Variants in GALNT6 observed in about 807,000 individuals in gnomAD.
GALNT6 encodes polypeptide N-acetylgalactosaminyltransferase 6.
A neutral mutation model predicts 65.9 loss-of-function variants in GALNT6; 51 were observed. That is an observed-to-expected ratio of 0.77 (90% CI 0.62 to 0.98). The LOEUF (loss-of-function observed/expected upper bound fraction) is 0.98. Among genes scored for constraint, GALNT6 ranks in the 50% least tolerant of loss-of-function variants. The pLI is 0.00. For synonymous variants in GALNT6, 323 were observed against 315.1 expected (o/e 1.02, Z -0.26); for missense variants, 708 against 803.3 (o/e 0.88, Z 1.43).
rs754418496 is a variant in GALNT6 at position 51,379,701 on chromosome 12, C to T, written c.81G>A (p.Leu27=). 2 of 1,614,090 alleles carry T rather than the reference C, an allele frequency of 1.2e-6. No individual in the cohort carries two copies. Among genetic ancestry groups the T allele is most frequent in the Non-Finnish European group, 1.7e-6 (2 of 1,179,984 alleles). The part of the protein sequence containing the change: ...GCAFVLFLFL[L]HRDVSSREEA... ...CCTCTCTGCTGCTCACATCCCTATG[C>T]AGGAGGAAGAGGAAGAGCACAAAGG... Residue 27 remains leucine, a synonymous_variant, in exon 3 of 12, where the codon CTG becomes CTA. Transcript: ENST00000356317.
chr12:51,361,830 T>A (rs1289443427), intron 6 of GALNT6, among the ~76,000 whole-genome samples: 1 of 151,704 alleles, frequency 6.6e-6, no homozygotes, highest in East Asian at 1.9e-4. Flanking sequence ...CTGCCCTCAG[T>A]GGGCAGCTTC....
chr12:51,367,271 A>C (rs969069649), intron 4 of GALNT6, among the ~76,000 whole-genome samples: 9 of 151,568 alleles, frequency 5.9e-5, no homozygotes, highest in Non-Finnish European at 2.9e-5. Context: ...AAAACCAAAA[A>C]CAAACAAACA....
intron 4 of GALNT6, among the ~76,000 whole-genome samples, chr12:51,369,482 G>C (rs1353377312): frequency 2.0e-5 from 3 of 152,012 alleles, no homozygotes; most frequent in African/African-American, 4.8e-5. Context: ...TCCAACTTAG[G>C]TTCAACACCC....
In GALNT6 at chr12:51,353,737, A is replaced by G. The variant is rs1292989717; in HGVS notation, c.*642T>C. The G allele has an allele frequency of 6.6e-6, 1 of 151,820 alleles. No homozygotes were observed. Among genetic ancestry groups the G allele is most frequent in the East Asian group, 1.9e-4 (1 of 5,146 alleles). 9.4% of individuals were successfully genotyped at this position (151,820 alleles called of 1,614,324 possible). A position where few individuals can be genotyped will look rare whatever the true frequency, so the allele number is the denominator to read the frequency against. On this transcript the variant is annotated 3_prime_UTR_variant, in exon 12 of 12. Transcript: ENST00000356317. ...TCAAGGAATAGGACATGGCTGTAGA[A>G]GTACTTTTCTTCTTCTTTTTTGTTT...
chr12:51,370,561 G>A (rs1947262573), intron 4 of GALNT6, among the ~76,000 whole-genome samples: 1 of 152,178 alleles, frequency 6.6e-6, no homozygotes, highest in Admixed American at 6.5e-5. Context: ...GTTACAACAT[G>A]GATGAATCTT....
chr12:51,355,698 A>C (rs1321336725), intron 11 of GALNT6, 108 bp downstream of exon 11: 1 of 993,064 alleles, frequency 1.0e-6, no homozygotes, highest in African/African-American at 1.6e-5. Context: ...CGAACTCCTG[A>C]CCTCGTGATC....
chr12:51,371,233 A>G (rs10876166), intron 4 of GALNT6, among the ~76,000 whole-genome samples: 126,065 of 151,442 alleles, frequency 0.83, 52,858 homozygotes, highest in South Asian at 0.93. Context: ...ACAGGTGCCC[A>G]CCACCATGCC....
intron 4 of GALNT6, among the ~76,000 whole-genome samples, chr12:51,368,062 A>G (rs571211680): frequency 1.3e-5 from 2 of 151,970 alleles, no homozygotes; most frequent in Non-Finnish European, 2.9e-5. Context: ...GATTAAGATC[A>G]GAAGGCCAAG....
At chr12:51,373,022 C>G (rs978448384) in intron 4 of GALNT6, among the ~76,000 whole-genome samples, 1 of 152,148 alleles carries the variant, frequency 6.6e-6, no homozygotes, top group Non-Finnish European at 1.5e-5. Context: ...TTACGCAATG[C>G]CTATACCTCC....
chr12:51,360,539 G>A (rs932446867), intron 7 of GALNT6, among the ~76,000 whole-genome samples, 182 bp downstream of exon 7: 2 of 152,110 alleles, frequency 1.3e-5, no homozygotes, highest in Non-Finnish European at 2.9e-5. Flanking sequence ...CAGGCTGACT[G>A]CCCAAGCCCT....
rs556678992 is a variant in GALNT6, at chr12:51,351,636, G to C, written c.*2743C>G. On this transcript the variant is annotated 3_prime_UTR_variant, in exon 12 of 12. Coordinates refer to ENST00000356317, the MANE Select transcript of GALNT6 (RefSeq NM_007210.4). ...CCAGCACCTCTTGGAGCATCTCCAG[G>C]CTTGCTATGATTTGCTTACATTTAG... 4 of 152,338 alleles carry C rather than the reference G, an allele frequency of 2.6e-5. No individual in the cohort carries two copies. Among genetic ancestry groups the C allele is most frequent in the African/African-American group, 7.2e-5 (3 of 41,576 alleles). 9.4% of individuals were successfully genotyped at this position (152,338 alleles called of 1,614,324 possible). A position where few individuals can be genotyped will look rare whatever the true frequency, so the allele number is the denominator to read the frequency against.
chr12:51,389,503 CT>C (rs1947953813), intron 2 of GALNT6, among the ~76,000 whole-genome samples: 1 of 152,242 alleles, frequency 6.6e-6, no homozygotes, highest in Non-Finnish European at 1.5e-5. Flanking sequence ...ATCACATTGT[CT>C]TGCATTTGAC....
In GALNT6 at chr12:51,355,718, C is replaced by T. The variant is rs930116356; in HGVS notation, c.1755+88G>A. 6.8e-5 allele frequency: 87 copies of T among 1,277,736 alleles called. No homozygotes were observed. In the African/African-American group the frequency reaches 8.3e-4, roughly 12 times the overall value. 79.1% of individuals were successfully genotyped at this position (1,277,736 alleles called of 1,614,324 possible). ...TCCTGACCTCGTGATCTGCCCTCCTCGGCCTCTCAAAGTGCTGGGATTACA... is the reference window on the plus strand; with the variant it reads ...TCCTGACCTCGTGATCTGCCCTCCTTGGCCTCTCAAAGTGCTGGGATTACA... On this transcript the variant is annotated intron_variant, in intron 11 of 11. Coordinates refer to ENST00000356317, the MANE Select transcript of GALNT6 (RefSeq NM_007210.4).
rs1946618799 is a variant in GALNT6 at position 51,351,811 on chromosome 12, A to G, written c.*2568T>C. 1 of 152,158 alleles carries G rather than the reference A, an allele frequency of 6.6e-6. No homozygotes were observed. The highest frequency in any genetic ancestry group is 1.5e-5 in the Non-Finnish European group (1 of 68,040). The allele number at this position is 152,158 out of a possible 1,614,324, so 9.4% of individuals were successfully genotyped here. A position where few individuals can be genotyped will look rare whatever the true frequency, so the allele number is the denominator to read the frequency against. ...ACTTTTCAGATGTGTGTGGTTCTTC[A>G]TAGCCCAAATCAACTGATTCAGCTA... On this transcript the variant is annotated 3_prime_UTR_variant, in exon 12 of 12. Coordinates refer to ENST00000356317, the MANE Select transcript of GALNT6 (RefSeq NM_007210.4).
intron 4 of GALNT6, among the ~76,000 whole-genome samples, chr12:51,375,989 C>T (rs10783435): frequency 0.77 from 116,826 of 151,776 alleles, 45,375 homozygotes; most frequent in Non-Finnish European, 0.82. Context: ...GCCTCCCGAG[C>T]AGCTGGGACT....
At chr12:51,361,938 C>T (rs139674713) in intron 6 of GALNT6, among the ~76,000 whole-genome samples, 593 of 152,286 alleles carry the variant, frequency 3.9e-3, no homozygotes, top group Non-Finnish European at 6.8e-3. Flanking sequence ...TGTTCATTCG[C>T]ATGATCCATC....
chr12:51,366,618 A>G (rs959995747), intron 4 of GALNT6, among the ~76,000 whole-genome samples: 12 of 152,176 alleles, frequency 7.9e-5, no homozygotes, highest in African/African-American at 2.7e-4. Context: ...AGCAAGGCTG[A>G]CCAGGAAACA....
At chr12:51,355,710 G>A (rs1328275741) in intron 11 of GALNT6, 96 bp downstream of exon 11, 15 of 1,140,282 alleles carry the variant, frequency 1.3e-5, no homozygotes, top group Non-Finnish European at 1.7e-5. Flanking sequence ...CTCGTGATCT[G>A]CCCTCCTCGG....
At chr12:51,374,073 T>C (rs1318785114) in intron 4 of GALNT6, among the ~76,000 whole-genome samples, 2 of 152,166 alleles carry the variant, frequency 1.3e-5, no homozygotes, top group Non-Finnish European at 2.9e-5. Context: ...TTGCCCAGGC[T>C]GGTCTTGAAC....
Sources: allele counts gnomAD v4.1 joint callset (sites outside exome capture counted in the v4.1 genomes callset), GRCh38; gene constraint gnomAD v4.1.1; transcripts MANE v1.5; gene names NCBI Gene and HGNC (gene_info 2026-07-23, HGNC 2026-07-21).